SPTB: variants seen among roughly 807,000 people sequenced by gnomAD.
The protein encoded by SPTB is spectrin beta chain, erythrocytic.
A neutral mutation model predicts 256.2 loss-of-function variants in SPTB; 45 were observed. The ratio of observed to expected loss-of-function variants is 0.18; its 90% CI spans 0.14 to 0.23. SPTB has a LOEUF of 0.23. SPTB is among the 10% of genes least tolerant of loss of function. SPTB has a pLI of 1.00. For synonymous variants in SPTB, 1,231 were observed against 1,243.1 expected (o/e 0.99, Z 0.21); for missense variants, 2,715 against 3,040.4 (o/e 0.89, Z 2.52).
rs1407985128 is a variant in SPTB at position 64,837,701 on chromosome 14, A to G, written c.-51-14556T>C. Among the ~76,000 whole-genome samples the G allele has an allele frequency of 2.0e-5, 3 of 152,312 alleles. No homozygotes were observed. The East Asian group carries it at 5.8e-4, about 29-fold the overall frequency. ...ACTGCAACCTCTGCCTCCCAGGTTCAAGCGATTCTCCTGCCTCAGGCTCCC... is the reference window on the plus strand; with the variant it reads ...ACTGCAACCTCTGCCTCCCAGGTTCGAGCGATTCTCCTGCCTCAGGCTCCC... On this transcript the variant is annotated intron_variant, in intron 1 of 35. Coordinates refer to ENST00000644917, the MANE Select transcript of SPTB (RefSeq NM_001355436.2).
intron 27 of SPTB, among the ~76,000 whole-genome samples, chr14:64,770,684 C>T (rs1407674439): frequency 1.3e-5 from 2 of 152,246 alleles, no homozygotes; most frequent in East Asian, 1.9e-4. Flanking sequence ...GACTCTGGAG[C>T]GATTGGTCCT....
chr14:64,799,659 C>T (rs1259286970), intron 9 of SPTB, 88 bp downstream of exon 9: 12 of 1,499,400 alleles, frequency 8.0e-6, no homozygotes, highest in African/African-American at 2.8e-5. Flanking sequence ...TGTGGACACA[C>T]TTCATAAGGC....
intron 33 of SPTB, among the ~76,000 whole-genome samples, chr14:64,751,081 CATTTAT>C (rs908060701): frequency 4.9e-5 from 7 of 144,160 alleles, no homozygotes; most frequent in African/African-American, 7.6e-5. Context: ...TAGTATATAA[CATTTAT>C]ATATTATACA....
At chr14:64,789,326 TG>T (rs1181229059) in intron 15 of SPTB, among the ~76,000 whole-genome samples, 14 of 152,186 alleles carry the variant, frequency 9.2e-5, no homozygotes, top group African/African-American at 3.1e-4. Context: ...CACTCCAGCC[TG>T]GGTAATGGAG....
rs78707026 is a variant in SPTB at position 64,782,565 on chromosome 14, A to G, written c.4003-12T>C. 0.076 allele frequency: 122,126 copies of G among 1,613,164 alleles called. 5,118 individuals are homozygous for G. The highest frequency in any genetic ancestry group is 0.087 in the Non-Finnish European group (102,580 of 1,179,952). ...AGCTGCTTTCCTTCCTAGGGGCAAGAAGGAGGAGAGCTCACATTCTGGGCT... is the reference window on the plus strand; with the variant it reads ...AGCTGCTTTCCTTCCTAGGGGCAAGGAGGAGGAGAGCTCACATTCTGGGCT... On this transcript the variant is annotated splice_polypyrimidine_tract_variant and intron_variant, in intron 19 of 35. Coordinates refer to ENST00000644917, the MANE Select transcript of SPTB (RefSeq NM_001355436.2).
At position 64,823,806 on chromosome 14, in the gene SPTB, C is replaced by G. The variant is rs991005161; in HGVS notation, c.-51-661G>C. On this transcript the variant is annotated intron_variant, in intron 1 of 35. Coordinates refer to ENST00000644917, the MANE Select transcript of SPTB (RefSeq NM_001355436.2). This position sits in a 1 kb window ranked among gnomAD's most constrained non-coding sequence, Gnocchi z 6.5. Reference sequence around the variant, plus strand: ...ATTTTAGGGCTTCTTTGGAGCATGACCAGGTGCTCAGATGAGGTCTCCTGT... The same window carrying G: ...ATTTTAGGGCTTCTTTGGAGCATGAGCAGGTGCTCAGATGAGGTCTCCTGT... 2.0e-5 allele frequency among the ~76,000 whole-genome samples: 3 copies of G among 152,166 alleles called. No individual in the cohort carries two copies. The highest frequency in any genetic ancestry group is 7.2e-5 in the African/African-American group (3 of 41,434).
chr14:64,750,209 T>G (rs1566730573), intron 33 of SPTB, 55 bp from the exon 34 acceptor site: 1 of 1,567,600 alleles, frequency 6.4e-7, no homozygotes, highest in Non-Finnish European at 8.7e-7. Flanking sequence ...ATCTCTAGAG[T>G]CAATTCCTAT....
Position 64,773,417 on chromosome 14 carries a change from T to A in SPTB, c.4981A>T (p.Ile1661Phe), listed in dbSNP as rs1049329878. 1 of 1,613,992 alleles carries A rather than the reference T, an allele frequency of 6.2e-7. No homozygotes were observed. Among genetic ancestry groups the A allele is most frequent in the Non-Finnish European group, 8.5e-7 (1 of 1,180,026 alleles). ...LSAGHPEGEQ[I>F]IRLQGQVDKH... ...TCCACTTGCCCCTGAAGTCTGATGA[T>A]CTGTTCCCTGGAATTCAAAACCAAA... The change falls in exon 25 of 36, where the codon ATC (isoleucine) becomes TTC (phenylalanine). Residue 1661 changes from isoleucine (I) to phenylalanine (F), a missense_variant. Transcript: ENST00000644917.
chr14:64,869,556 G>A (rs895148298), intron 1 of SPTB, among the ~76,000 whole-genome samples: 2 of 150,550 alleles, frequency 1.3e-5, no homozygotes, highest in African/African-American at 2.4e-5. Context: ...GCAATCCTCT[G>A]GCCTCAGCCT....
intron 1 of SPTB, among the ~76,000 whole-genome samples, chr14:64,840,966 G>A (rs1228673662): frequency 1.3e-5 from 2 of 152,186 alleles, no homozygotes; most frequent in African/African-American, 4.8e-5. Flanking sequence ...AGTCAGGAAG[G>A]TAATTTAAAC....
chr14:64,749,648 G>A lies in SPTB; in HGVS notation c.6819+6C>T, dbSNP rs369634684. 13 of 1,613,474 alleles carry A rather than the reference G, an allele frequency of 8.1e-6. No individual in the cohort carries two copies. The highest frequency in any genetic ancestry group is 1.6e-4 in the Middle Eastern group (1 of 6,084). On this transcript the variant is annotated splice_donor_region_variant and intron_variant, in intron 35 of 35. Transcript: ENST00000644917. The surrounding 1 kb of genome is among the most constrained non-coding windows in gnomAD (Gnocchi z 4.7). ...GCCAGGTCTGGGCTAGGCTGCCCGCGCTTACCTCATCCTTGCCATGGAAGA... is the reference window on the plus strand; with the variant it reads ...GCCAGGTCTGGGCTAGGCTGCCCGCACTTACCTCATCCTTGCCATGGAAGA...
At chr14:64,838,060 C>T (rs2083553083) in intron 1 of SPTB, among the ~76,000 whole-genome samples, 1 of 152,074 alleles carries the variant, frequency 6.6e-6, no homozygotes, top group South Asian at 2.1e-4. Context: ...AATAGTATGG[C>T]AAGAAGATAG....
chr14:64,764,447 G>A lies in SPTB; in HGVS notation c.6345+2279C>T, dbSNP rs1274825450. Among the ~76,000 whole-genome samples the A allele has an allele frequency of 6.6e-6, 1 of 152,182 alleles. No individual in the cohort carries two copies. The highest frequency in any genetic ancestry group is 1.5e-5 in the Non-Finnish European group (1 of 68,026). On this transcript the variant is annotated intron_variant, in intron 32 of 35. Transcript: ENST00000644917. This position sits in a 1 kb window ranked among gnomAD's most constrained non-coding sequence, Gnocchi z 4.2. ...TGAGTCACCATCTGGTTTCTTTCCG[G>A]TACCGGGCACAAGCCAGTCTTCCCA...
At chr14:64,863,917 T>C (rs986860610) in intron 1 of SPTB, among the ~76,000 whole-genome samples, 2 of 152,160 alleles carry the variant, frequency 1.3e-5, no homozygotes, top group Non-Finnish European at 2.9e-5. Flanking sequence ...AATTACAATA[T>C]CACACTGAAT....
intron 31 of SPTB, 110 bp downstream of exon 31, chr14:64,767,193 G>C: frequency 7.2e-6 from 10 of 1,397,302 alleles, no homozygotes; most frequent in Non-Finnish European, 1.0e-5. Flanking sequence ...AGGGTGCCCA[G>C]TGTGAGAAGT....
chr14:64,822,421 C>T (rs540228505), intron 2 of SPTB, among the ~76,000 whole-genome samples: 4 of 65,230 alleles, frequency 6.1e-5, no homozygotes, highest in Non-Finnish European at 1.1e-4. Flanking sequence ...TATTATGAAC[C>T]TGCTAAGCAA....
intron 1 of SPTB, among the ~76,000 whole-genome samples, chr14:64,843,687 C>A (rs2083643118): frequency 6.6e-6 from 1 of 152,192 alleles, no homozygotes. Flanking sequence ...GCTGTCAAGC[C>A]AACCTGAGGA....
At chr14:64,861,679 A>C (rs1207137085) in intron 1 of SPTB, among the ~76,000 whole-genome samples, 1 of 152,206 alleles carries the variant, frequency 6.6e-6, no homozygotes, top group South Asian at 2.1e-4. Flanking sequence ...TCTCTCTCAA[A>C]CCATCAAGTT....
intron 1 of SPTB, among the ~76,000 whole-genome samples, chr14:64,872,060 C>A (rs1327357740): frequency 6.6e-6 from 1 of 152,012 alleles, no homozygotes; most frequent in African/African-American, 2.4e-5. Context: ...ATGAATCATC[C>A]CAAAATAAAA....
Sources: gnomAD v4.1 joint callset for allele counts (sites outside exome capture counted in the v4.1 genomes callset) on GRCh38, gnomAD v4.1.1 for gene constraint, Gnocchi (gnomAD v3.1) non-coding constraint, MANE v1.5 for transcripts, NCBI Gene and HGNC (gene_info 2026-07-23, HGNC 2026-07-21) for gene names.